Variants in CHM observed in about 807,000 individuals in gnomAD.
CHM encodes rab proteins geranylgeranyltransferase component A 1.
A neutral mutation model predicts 49.0 loss-of-function variants in CHM; 10 were observed. The ratio of observed to expected loss-of-function variants is 0.20; its 90% CI spans 0.13 to 0.35. CHM has a LOEUF of 0.35. Among genes scored for constraint, CHM ranks in the 10% least tolerant of loss-of-function variants. The pLI, the probability that CHM is intolerant of heterozygous loss-of-function variation, is 1.00. For missense variants in CHM, 455 were observed against 478.4 expected (o/e 0.95, Z 0.46); for synonymous variants, 184 against 167.5 (o/e 1.10, Z -0.76).
At chrX:85,950,426 T>C (rs764819284) in intron 8 of CHM, among the ~76,000 whole-genome samples, 2 of 109,958 alleles carry the variant, frequency 1.8e-5, no homozygotes, top group East Asian at 5.7e-4. Context: ...AAAGATAATA[T>C]TGAAGAAAGA....
intron 8 of CHM, among the ~76,000 whole-genome samples, chrX:85,946,896 G>A (rs1960512847): frequency 8.9e-6 from 1 of 112,524 alleles, no homozygotes; most frequent in Non-Finnish European, 1.9e-5. Flanking sequence ...AAAGCCACAG[G>A]GGCAGAGCTG....
chrX:85,976,907 CACACACAG>C (rs1238708811), intron 4 of CHM, among the ~76,000 whole-genome samples: 1 of 106,633 alleles, frequency 9.4e-6, no homozygotes, highest in African/African-American at 3.6e-5. Flanking sequence ...CACACACACA[CACACACAG>C]AAAGAAAATG....
chrX:85,916,144 A>G lies in CHM; in HGVS notation c.1167-4806T>C, dbSNP rs1013822527. Among the ~76,000 whole-genome samples, 18 of 111,230 alleles carry G rather than the reference A, an allele frequency of 1.6e-4. No homozygotes were observed. The Admixed American group carries it at 1.7e-3, about 11-fold the overall frequency. On this transcript the variant is annotated intron_variant, in intron 8 of 14. Coordinates refer to ENST00000357749, the MANE Select transcript of CHM (RefSeq NM_000390.4). ...GAATACAGAACCCAGAAAAAAGACC[A>G]CACACCTACAACTATCTGACCTTTG...
Position 85,918,900 on chromosome X carries a change from A to G in CHM, c.1167-7562T>C, listed in dbSNP as rs1488727441. ...AAAACAAGTTCTTAGTGACCTACAA[A>G]GAGACTTAGATAACCACACAATAAT... On this transcript the variant is annotated intron_variant, in intron 8 of 14. Transcript: ENST00000357749. 2.7e-5 allele frequency among the ~76,000 whole-genome samples: 3 copies of G among 111,967 alleles called. No individual in the cohort carries two copies. In the East Asian group the frequency reaches 8.4e-4, roughly 31 times the overall value.
Position 85,910,356 on chromosome X carries a change from C to CTA in CHM, c.1244+903_1244+904dup, listed in dbSNP as rs1268101213. Among the ~76,000 whole-genome samples the CTA allele has an allele frequency of 3.6e-5, 4 of 111,134 alleles. No individual in the cohort carries two copies. In the South Asian group the frequency reaches 1.1e-3, roughly 31 times the overall value. Reference sequence around the variant, plus strand: ...TTATAACCTCAAAAATACTATTTAACTATATACTCCTAAAAACAATCATCT... The same window carrying CTA: ...TTATAACCTCAAAAATACTATTTAACTATATATACTCCTAAAAACAATCATCT... On this transcript the variant is annotated intron_variant, in intron 9 of 14. Coordinates refer to ENST00000357749, the MANE Select transcript of CHM (RefSeq NM_000390.4).
intron 8 of CHM, among the ~76,000 whole-genome samples, chrX:85,952,521 C>T (rs1603261153): frequency 8.9e-6 from 1 of 111,799 alleles, no homozygotes; most frequent in African/African-American, 3.2e-5. Context: ...GGGCTCATCA[C>T]TTGCTAGTTA....
At chrX:85,910,729 G>A (rs1926878408) in intron 9 of CHM, among the ~76,000 whole-genome samples, 1 of 110,771 alleles carries the variant, frequency 9.0e-6, no homozygotes, top group Non-Finnish European at 1.9e-5. Flanking sequence ...TTTTCTCTTG[G>A]AGTGACATGC....
At chrX:85,968,969 A>G (rs183064628) in intron 4 of CHM, 1 of 344,520 alleles carries the variant, frequency 2.9e-6, no homozygotes, top group East Asian at 2.1e-4. Flanking sequence ...ATTACAGGTG[A>G]TTTTACATTT....
chrX:85,905,338 C>T (rs1014034693), intron 9 of CHM, among the ~76,000 whole-genome samples: 2 of 111,718 alleles, frequency 1.8e-5, no homozygotes, highest in Non-Finnish European at 3.8e-5. Context: ...ATGATAATGA[C>T]CTGCTAGCAA....
intron 10 of CHM, 113 bp from the exon 11 acceptor site, chrX:85,900,822 T>C (rs1190463638): frequency 4.9e-6 from 3 of 613,241 alleles, no homozygotes. Context: ...GATAAAAGTG[T>C]CACCTCCCAA....
intron 2 of CHM, among the ~76,000 whole-genome samples, chrX:85,999,634 C>G (rs1008598154): frequency 6.3e-5 from 7 of 111,925 alleles, no homozygotes; most frequent in African/African-American, 2.3e-4. Flanking sequence ...ATGCCAATCT[C>G]TACATTTAAG....
intron 8 of CHM, among the ~76,000 whole-genome samples, chrX:85,947,251 AC>A (rs1211587734): frequency 8.9e-6 from 1 of 112,011 alleles, no homozygotes; most frequent in Non-Finnish European, 1.9e-5. Flanking sequence ...ATTTGTCCCT[AC>A]CCAAATATCA....
intron 5 of CHM, among the ~76,000 whole-genome samples, chrX:85,962,292 T>G (rs968593228): frequency 4.5e-5 from 5 of 111,944 alleles, no homozygotes; most frequent in African/African-American, 9.7e-5. Context: ...GCCAAGGTAA[T>G]GTGGAAAAAA....
At chrX:85,927,434 A>G (rs1928160597) in intron 8 of CHM, among the ~76,000 whole-genome samples, 1 of 112,219 alleles carries the variant, frequency 8.9e-6, no homozygotes, top group Admixed American at 9.5e-5. Context: ...ATGGGAATCC[A>G]TGTAAATAGT....
At chrX:85,869,162 T>C (rs1923892593) in intron 14 of CHM, among the ~76,000 whole-genome samples, 1 of 111,433 alleles carries the variant, frequency 9.0e-6, no homozygotes, top group Admixed American at 9.6e-5. Context: ...TATTAGTACA[T>C]ACGCCACACT....
intron 2 of CHM, among the ~76,000 whole-genome samples, chrX:86,021,868 AACAAAATGGATAAGCCTTGAGGAC>A: frequency 8.9e-6 from 1 of 112,045 alleles, no homozygotes; most frequent in African/African-American, 3.2e-5. Context: ...TGCAGTATGC[AACAAAATGGATAAGCCTTGAGGAC>A]ACTGTACTAA....
intron 14 of CHM, among the ~76,000 whole-genome samples, chrX:85,866,517 A>C (rs1923708458): frequency 8.9e-6 from 1 of 112,865 alleles, no homozygotes; most frequent in South Asian, 3.6e-4. Flanking sequence ...AGCCCCCACA[A>C]AGAGTCACCA....
intron 1 of CHM, among the ~76,000 whole-genome samples, chrX:86,036,779 A>G (rs1308031803): frequency 2.7e-5 from 3 of 111,813 alleles, no homozygotes; most frequent in East Asian, 2.8e-4. Context: ...TATGGTTTGT[A>G]GGGCATGACT....
intron 8 of CHM, among the ~76,000 whole-genome samples, chrX:85,931,508 T>C (rs1272459377): frequency 8.9e-6 from 1 of 111,910 alleles, no homozygotes; most frequent in Non-Finnish European, 1.9e-5. Context: ...CCTTAAAACA[T>C]AAGGAAACAC....
Sources: gnomAD v4.1 joint callset for allele counts (sites outside exome capture counted in the v4.1 genomes callset) on GRCh38, gnomAD v4.1.1 for gene constraint, MANE v1.5 for transcripts, NCBI Gene and HGNC (gene_info 2026-07-23, HGNC 2026-07-21) for gene names.